UGGT2: variants seen among roughly 807,000 people sequenced by gnomAD.
The protein encoded by UGGT2 is UDP-glucose:glycoprotein glucosyltransferase 2.
Under a neutral mutation model 192.1 loss-of-function variants are expected in UGGT2, and 180 were observed. The ratio of observed to expected loss-of-function variants is 0.94; its 90% CI spans 0.83 to 1.06. The LOEUF (loss-of-function observed/expected upper bound fraction) is 1.06, where lower values mean the gene tolerates loss of function less well. Among genes scored for constraint, UGGT2 ranks in the 50% least tolerant of loss-of-function variants. The probability of loss-of-function intolerance (pLI) is 0.00; values close to 1 mark genes in which losing one functional copy is unlikely to be tolerated. For missense variants in UGGT2, 1,849 were observed against 1,795.7 expected, an observed-to-expected ratio of 1.03 and a Z score of -0.54; for synonymous variants, 580 against 591.0, an observed-to-expected ratio of 0.98 and a Z score of 0.27.
intron 1 of UGGT2, among the ~76,000 whole-genome samples, chr13:96,043,459 T>G (rs1489032160): frequency 6.6e-6 from 1 of 151,536 alleles, no homozygotes; most frequent in Non-Finnish European, 1.5e-5. Context: ...AAAATACAAT[T>G]AAAAAAACAA....
chr13:95,949,899 A>G (rs1405590081), intron 12 of UGGT2, among the ~76,000 whole-genome samples: 2 of 152,186 alleles, frequency 1.3e-5, no homozygotes, highest in Non-Finnish European at 2.9e-5. Context: ...GTTCTAATCC[A>G]CTATACAAGC....
chr13:96,020,374 T>A (rs1398600213), intron 4 of UGGT2, among the ~76,000 whole-genome samples: 1 of 152,094 alleles, frequency 6.6e-6, no homozygotes, highest in Non-Finnish European at 1.5e-5. Flanking sequence ...CTATACAAAG[T>A]TGTGATTGTC....
chr13:95,802,574 A>G (rs917063250), intron 38 of UGGT2, among the ~76,000 whole-genome samples: 1 of 152,220 alleles, frequency 6.6e-6, no homozygotes, highest in Non-Finnish European at 1.5e-5. Context: ...GAAATGGGAA[A>G]CAGGGATAGA....
At chr13:95,979,720 A>G (rs1299799623) in intron 10 of UGGT2, among the ~76,000 whole-genome samples, 2 of 151,890 alleles carry the variant, frequency 1.3e-5, no homozygotes, top group African/African-American at 2.4e-5. Flanking sequence ...CAGACAGCCC[A>G]GAGTGGGAGA....
In UGGT2 at chr13:95,890,855, A is replaced by T. The variant is rs749847714; in HGVS notation, c.2958+7T>A. The T allele has an allele frequency of 2.5e-6, 4 of 1,601,122 alleles. No homozygotes were observed. The African/African-American group carries it at 5.4e-5, about 22-fold the overall frequency. On this transcript the variant is annotated splice_region_variant and intron_variant, in intron 25 of 38. Transcript: ENST00000376747. ...AAAAACATTTAGTCTAATTTATATT[A>T]TCTTACAACCAACAACTGTGCCATT...
At chr13:96,020,634 A>C (rs1333957012) in intron 4 of UGGT2, among the ~76,000 whole-genome samples, 1 of 152,224 alleles carries the variant, frequency 6.6e-6, no homozygotes, top group Non-Finnish European at 1.5e-5. Flanking sequence ...ACTACAACAC[A>C]GTTATCAGGA....
At chr13:95,932,311 TTG>T (rs67135742) in intron 17 of UGGT2, among the ~76,000 whole-genome samples, 18,905 of 139,320 alleles carry the variant, frequency 0.14, 1,407 homozygotes, top group African/African-American at 0.22. Context: ...GGTATTTTAT[TTG>T]TGTGTGTGTG....
chr13:95,884,819 A>G (rs562256199), intron 26 of UGGT2, 139 bp from the exon 27 acceptor site: 5 of 751,456 alleles, frequency 6.7e-6, no homozygotes, highest in Non-Finnish European at 1.0e-5. Flanking sequence ...TACTGCAGAA[A>G]AGTTAATGCT....
At chr13:95,935,596 G>A (rs1247155547) in intron 17 of UGGT2, among the ~76,000 whole-genome samples, 2 of 152,164 alleles carry the variant, frequency 1.3e-5, no homozygotes, top group Non-Finnish European at 2.9e-5. Context: ...ACAGTTTGGT[G>A]ACTATAAGCC....
At chr13:95,988,188 T>C (rs1314267489) in intron 8 of UGGT2, among the ~76,000 whole-genome samples, 1 of 152,078 alleles carries the variant, frequency 6.6e-6, no homozygotes, top group Non-Finnish European at 1.5e-5. Flanking sequence ...CCTTGTTGGT[T>C]TCCCTCAATC....
intron 36 of UGGT2, among the ~76,000 whole-genome samples, chr13:95,837,670 G>A (rs1887452052): frequency 6.6e-6 from 1 of 152,148 alleles, no homozygotes; most frequent in South Asian, 2.1e-4. Context: ...AAGATTGCTG[G>A]CATCTGGGTT....
At chr13:96,022,449 TTTG>T (rs1594590998) in intron 4 of UGGT2, among the ~76,000 whole-genome samples, 1 of 151,912 alleles carries the variant, frequency 6.6e-6, no homozygotes, top group African/African-American at 2.4e-5. Flanking sequence ...TTAGAAATGG[TTTG>T]TTAACAAGTG....
rs2051610752 is a variant in UGGT2 at position 95,996,116 on chromosome 13, T to C, written c.777A>G (p.Val259=). 5 of 1,612,776 alleles carry C rather than the reference T, an allele frequency of 3.1e-6. No homozygotes were observed. The highest frequency in any genetic ancestry group is 4.2e-6 in the Non-Finnish European group (5 of 1,179,576). Residue 259 remains valine (V), a synonymous_variant, in exon 7 of 39, where the codon GTA becomes GTG. Transcript: ENST00000376747. ...CTTCATTTGTTTCAGTCTCATCCTC[T>C]ACAGTAGTATTAGTCACAGCTACAT... ...TQVKTVTNTT[V]EDETETNEVQ... is the part of the protein sequence containing the mutation.
chr13:95,895,114 T>A, intron 23 of UGGT2, 66 bp downstream of exon 23: 4 of 1,466,190 alleles, frequency 2.7e-6, no homozygotes, highest in Non-Finnish European at 3.7e-6. Flanking sequence ...CATTTTCTAA[T>A]CTTAAAAACA....
In UGGT2 at chr13:95,897,947, C is replaced by T. The variant is rs139522222; in HGVS notation, c.2635-2643G>A. ...ATTCTCTTTCCTTCTTCTTATACTG[C>T]TCCTGACAACCTCACTCATCCTGCA... On this transcript the variant is annotated intron_variant, in intron 22 of 38. Transcript: ENST00000376747. 6.8e-3 allele frequency among the ~76,000 whole-genome samples: 1,041 copies of T among 152,174 alleles called. 16 individuals are homozygous for T. The highest frequency in any genetic ancestry group is 0.024 in the African/African-American group (982 of 41,540).
At chr13:95,931,418 A>G (rs1186176937) in intron 17 of UGGT2, among the ~76,000 whole-genome samples, 1 of 151,882 alleles carries the variant, frequency 6.6e-6, no homozygotes, top group African/African-American at 2.4e-5. Context: ...GCTGCCCGCC[A>G]CTCCCGCACC....
chr13:96,015,286 A>G (rs565602466), intron 4 of UGGT2, among the ~76,000 whole-genome samples: 3 of 151,922 alleles, frequency 2.0e-5, no homozygotes, highest in Non-Finnish European at 2.9e-5. Context: ...TCAAAAAAAA[A>G]AAAAAAGAAA....
chr13:95,801,952 C>G, intron 38 of UGGT2, 140 bp from the exon 39 acceptor site: 1 of 870,930 alleles, frequency 1.1e-6, no homozygotes, highest in South Asian at 1.7e-5. Context: ...TGCTTCATTA[C>G]GCAACACGAG....
chr13:95,970,189 T>C lies in UGGT2; in HGVS notation c.1258A>G (p.Met420Val), dbSNP rs1473896999. 6.2e-7 allele frequency: 1 copy of C among 1,613,038 alleles called. No individual in the cohort carries two copies. Among genetic ancestry groups the C allele is most frequent in the East Asian group, 2.2e-5 (1 of 44,802 alleles). The change falls in exon 12 of 39, where the codon ATG (methionine) becomes GTG (valine). Residue 420 changes from methionine to valine, a missense_variant. Coordinates refer to ENST00000376747, the MANE Select transcript of UGGT2 (RefSeq NM_020121.4). ...GAATTTAATTTTAAAAATTTGCTCA[T>C]ATCTTCCCCATTGATCCCAAGATTG... Reference protein sequence around the residue: ...LRNLGINGEDMSKFLKLNSHI... With the variant: ...LRNLGINGEDVSKFLKLNSHI...
Sources: gnomAD v4.1 joint callset for allele counts (sites outside exome capture counted in the v4.1 genomes callset) on GRCh38, gnomAD v4.1.1 for gene constraint, MANE v1.5 for transcripts, NCBI Gene and HGNC (gene_info 2026-07-23, HGNC 2026-07-21) for gene names.